The following BRPF1 variants were observed in gnomAD, a reference collection of about 807,000 sequenced individuals.
BRPF1 encodes the protein peregrin.
In BRPF1, 15 loss-of-function variants were observed where a neutral mutation model predicts 115.0. The ratio of observed to expected loss-of-function variants is 0.13; its 90% CI spans 0.09 to 0.20. The LOEUF is 0.20. Among genes scored for constraint, BRPF1 ranks in the 10% least tolerant of loss-of-function variants. The pLI is 1.00. For synonymous variants in BRPF1, 647 were observed against 619.8 expected, an observed-to-expected ratio of 1.04 and a Z score of -0.65; for missense variants, 1,118 against 1,638.3, an observed-to-expected ratio of 0.68 and a Z score of 5.48.
chr3:9,742,454 C>A, intron 6 of BRPF1: 4 of 985,422 alleles, frequency 4.1e-6, no homozygotes, highest in Non-Finnish European at 4.8e-6. Context: ...GGTGCTGAAC[C>A]CTAGAACGGA....
rs1211130622 is a variant in BRPF1 at position 9,734,122 on chromosome 3, G to A, written c.-10-9G>A. 6.3e-7 allele frequency: 1 copy of A among 1,581,468 alleles called. No individual in the cohort carries two copies. The highest frequency in any genetic ancestry group is 1.8e-5 in the Admixed American group (1 of 57,104). Reference sequence around the variant, plus strand: ...CCCAGCCTTATGTTAACTGATCTGTGTATTCTAGATGTGACAGCATGGGGG... The same window carrying A: ...CCCAGCCTTATGTTAACTGATCTGTATATTCTAGATGTGACAGCATGGGGG... On this transcript the variant is annotated splice_polypyrimidine_tract_variant and intron_variant, in intron 1 of 13. Coordinates refer to ENST00000383829, the MANE Select transcript of BRPF1 (RefSeq NM_001003694.2). This position sits in a 1 kb window ranked among gnomAD's most constrained non-coding sequence, Gnocchi z 5.7.
Position 9,743,733 on chromosome 3 carries a change from A to G in BRPF1, c.2467A>G (p.Thr823Ala). 1 of 1,614,174 alleles carries G rather than the reference A, an allele frequency of 6.2e-7. No individual in the cohort carries two copies. ...TGCAAAGATGATCAAGAAAGAGATGACGGCACTGCGGCGGAAGCTTGCCCA... is the reference window on the plus strand; with the variant it reads ...TGCAAAGATGATCAAGAAAGAGATGGCGGCACTGCGGCGGAAGCTTGCCCA... ...RRAKMIKKEM[T>A]ALRRKLAHQR... is the part of the protein sequence containing the mutation. Residue 823 changes from threonine (T) to alanine (A), a missense_variant, in exon 8 of 14, where the codon ACG becomes GCG. Thr to Ala is a moderately conservative substitution (Grantham distance 58, BLOSUM62 0). Coordinates refer to ENST00000383829, the MANE Select transcript of BRPF1 (RefSeq NM_001003694.2). This position sits in a 1 kb window ranked among gnomAD's most constrained non-coding sequence, Gnocchi z 6.1.
Position 9,743,960 on chromosome 3 carries a change from A to G in BRPF1, c.2635+59A>G. ...AAGTCAGACTTTGGCTCTGCAGCAC[A>G]CACTCAACCCCTGCCATTCCCCAGG... On this transcript the variant is annotated intron_variant, in intron 8 of 13. Transcript: ENST00000383829. The surrounding 1 kb of genome is among the most constrained non-coding windows in gnomAD (Gnocchi z 6.1). 6 of 1,501,978 alleles carry G rather than the reference A, an allele frequency of 4.0e-6. No individual in the cohort carries two copies. The highest frequency in any genetic ancestry group is 5.3e-6 in the Non-Finnish European group (6 of 1,122,552). 93.0% of individuals were successfully genotyped at this position (1,501,978 alleles called of 1,614,324 possible).
At chr3:9,732,402 T>G (rs551124423) in intron 1 of BRPF1, 1 of 152,304 alleles carries the variant, frequency 6.6e-6, no homozygotes, top group African/African-American at 2.4e-5. Flanking sequence ...GAGAGTGGGC[T>G]GCGGGCACTG....
chr3:9,744,201 C>T, intron 8 of BRPF1, 23 bp from the exon 9 acceptor site: 2 of 1,516,004 alleles, frequency 1.3e-6, no homozygotes. Flanking sequence ...CACCAACTCT[C>T]CTTCTTTCTT....
At chr3:9,740,075 A>C in intron 3 of BRPF1, 117 bp downstream of exon 3, 1 of 1,412,884 alleles carries the variant, frequency 7.1e-7, no homozygotes, top group Non-Finnish European at 9.2e-7. Context: ...GCTGCATAGA[A>C]GTTAAAAAGA....
intron 2 of BRPF1, among the ~76,000 whole-genome samples, chr3:9,735,041 G>A (rs1032522859): frequency 2.5e-5 from 1 of 40,652 alleles, no homozygotes; most frequent in African/African-American, 1.1e-4. Context: ...TTTTTTTTTT[G>A]AGACAGGGCC....
chr3:9,741,131 C>T (rs1247203579), intron 4 of BRPF1, among the ~76,000 whole-genome samples, 177 bp from the exon 5 acceptor site: 1 of 152,208 alleles, frequency 6.6e-6, no homozygotes, highest in Non-Finnish European at 1.5e-5. Flanking sequence ...ATTCATTCAA[C>T]AAACACATAC....
chr3:9,746,500 C>T (rs2077128588), intron 13 of BRPF1, 46 bp downstream of exon 13: 1 of 1,493,368 alleles, frequency 6.7e-7, no homozygotes, highest in South Asian at 1.4e-5. Context: ...CAGATGCAGC[C>T]CTGTGTGGTA....
Position 9,743,559 on chromosome 3 carries a change from C to T in BRPF1, c.2312-19C>T, listed in dbSNP as rs1448760917. The T allele has an allele frequency of 2.5e-6, 4 of 1,603,510 alleles. No homozygotes were observed. Among genetic ancestry groups the T allele is most frequent in the East Asian group, 4.5e-5 (2 of 44,794 alleles). Reference sequence around the variant, plus strand: ...GGGCTGCCCTGAGTCTGACCTTTCCCCTCCAACCCTACCCCTAGCAGCCGA... The same window carrying T: ...GGGCTGCCCTGAGTCTGACCTTTCCTCTCCAACCCTACCCCTAGCAGCCGA... On this transcript the variant is annotated intron_variant, in intron 7 of 13. Transcript: ENST00000383829. The surrounding 1 kb of genome is among the most constrained non-coding windows in gnomAD (Gnocchi z 6.1).
intron 13 of BRPF1, among the ~76,000 whole-genome samples, chr3:9,746,780 A>T (rs1428022196): frequency 6.6e-6 from 1 of 152,004 alleles, no homozygotes. Flanking sequence ...AAATGAGGAT[A>T]AAGCAGGCAT....
chr3:9,734,920 C>T lies in BRPF1; in HGVS notation c.599+181C>T, dbSNP rs544212931. Among the ~76,000 whole-genome samples the T allele has an allele frequency of 6.6e-6, 1 of 152,046 alleles. No individual in the cohort carries two copies. ...AATGCACTTACTCTACAGTGCCACA[C>T]GCTACTCCTTTATTTTATTCTCAAA... On this transcript the variant is annotated intron_variant, in intron 2 of 13. Transcript: ENST00000383829. This position sits in a 1 kb window ranked among gnomAD's most constrained non-coding sequence, Gnocchi z 5.7.
intron 13 of BRPF1, 22 bp downstream of exon 13, chr3:9,746,476 G>A: frequency 6.5e-7 from 1 of 1,544,508 alleles, no homozygotes; most frequent in Non-Finnish European, 8.8e-7. Context: ...AGCATTTGGT[G>A]TGACTCACAG....
chr3:9,731,978 G>C lies in BRPF1; in HGVS notation c.-171G>C, dbSNP rs554517499. The C allele has an allele frequency of 3.3e-5, 5 of 152,438 alleles. No individual in the cohort carries two copies. Among genetic ancestry groups the C allele is most frequent in the African/African-American group, 1.2e-4 (5 of 41,580 alleles). 9.4% of individuals were successfully genotyped at this position (152,438 alleles called of 1,614,324 possible). A position where few individuals can be genotyped will look rare whatever the true frequency, so the allele number is the denominator to read the frequency against. ...GTCAGCTCAGGAATCCCGGGGAGCC[G>C]GGACCAAAGCGTGGGGCGGCAGGGG... On this transcript the variant is annotated 5_prime_UTR_variant, in exon 1 of 14. Coordinates refer to ENST00000383829, the MANE Select transcript of BRPF1 (RefSeq NM_001003694.2).
At position 9,734,919 on chromosome 3, in the gene BRPF1, A is replaced by G. The variant is rs1049705775; in HGVS notation, c.599+180A>G. ...TAATGCACTTACTCTACAGTGCCAC[A>G]CGCTACTCCTTTATTTTATTCTCAA... On this transcript the variant is annotated intron_variant, in intron 2 of 13. Transcript: ENST00000383829. This position sits in a 1 kb window ranked among gnomAD's most constrained non-coding sequence, Gnocchi z 5.7. Among the ~76,000 whole-genome samples, 4 of 151,854 alleles carry G rather than the reference A, an allele frequency of 2.6e-5. No homozygotes were observed. The highest frequency in any genetic ancestry group is 4.8e-5 in the African/African-American group (2 of 41,286).
At position 9,739,212 on chromosome 3, in the gene BRPF1, C is replaced by T. The variant is rs756734110; in HGVS notation, c.813C>T (p.Asp271=). The part of the protein sequence containing the change: ...HNKGDPNALV[D]EDAVCCICND... Reference sequence around the variant, plus strand: ...AAGGCGACCCTAATGCGCTAGTGGACGAGGATGCTGTTTGCTGTATCTGCA... The same window carrying T: ...AAGGCGACCCTAATGCGCTAGTGGATGAGGATGCTGTTTGCTGTATCTGCA... Residue 271 remains aspartate (D), a synonymous_variant, in exon 3 of 14, where the codon GAC becomes GAT. Transcript: ENST00000383829. 126 of 1,613,488 alleles carry T rather than the reference C, an allele frequency of 7.8e-5. No homozygotes were observed. The highest frequency in any genetic ancestry group is 9.9e-5 in the Non-Finnish European group (117 of 1,179,636).
chr3:9,733,680 A>G (rs912829008), intron 1 of BRPF1, among the ~76,000 whole-genome samples: 2 of 152,232 alleles, frequency 1.3e-5, no homozygotes, highest in Admixed American at 6.5e-5. Context: ...GAGAGGTTAT[A>G]ACATTCAGGG....
Position 9,739,779 on chromosome 3 carries a change from C to G in BRPF1, c.1380C>G (p.Ser460=). 6.2e-7 allele frequency: 1 copy of G among 1,613,944 alleles called. No individual in the cohort carries two copies. The highest frequency in any genetic ancestry group is 8.5e-7 in the Non-Finnish European group (1 of 1,179,898). ...CAGCACGCCGACTGCCTGCCCTGTC[C>G]CACAGCGAGGGTGAGGAGGATGAAG... The part of the protein sequence containing the change: ...PGSARRLPAL[S]HSEGEEDEDE... Residue 460 remains serine (S), a synonymous_variant, in exon 3 of 14, where the codon TCC becomes TCG. Transcript: ENST00000383829.
Position 9,745,760 on chromosome 3 carries a change from C to T in BRPF1, c.3205+51C>T. On this transcript the variant is annotated intron_variant, in intron 11 of 13. Transcript: ENST00000383829. This position sits in a 1 kb window ranked among gnomAD's most constrained non-coding sequence, Gnocchi z 5.1. ...GATGCTGGGGACCCAGTGTCAGGGT[C>T]TCGCCAGCCCCCCAGCTGCTGATCC... 1 of 1,610,816 alleles carries T rather than the reference C, an allele frequency of 6.2e-7. No individual in the cohort carries two copies.
Sources: allele counts gnomAD v4.1 joint callset (sites outside exome capture counted in the v4.1 genomes callset), GRCh38; gene constraint gnomAD v4.1.1; non-coding constraint Gnocchi (gnomAD v3.1); transcripts MANE v1.5; gene names NCBI Gene and HGNC (gene_info 2026-07-23, HGNC 2026-07-21).